The following CCDC171 variants were observed in gnomAD, a reference collection of about 807,000 sequenced individuals.
CCDC171 encodes the protein coiled-coil domain-containing protein 171.
CCDC171 carries 177 observed loss-of-function variants against 168.2 expected under a neutral mutation model. The observed-to-expected ratio is 1.05, with a 90% confidence interval of 0.93 to 1.19. The LOEUF is 1.19. Among genes scored for constraint, CCDC171 ranks in the 50% most tolerant of loss-of-function variants. CCDC171 has a pLI of 0.00. For missense variants in CCDC171, 1,991 were observed against 1,539.0 expected (o/e 1.29, Z -4.91); for synonymous variants, 687 against 540.8 (o/e 1.27, Z -3.75).
chr9:15,803,497 A>T (rs1588597977), intron 21 of CCDC171, among the ~76,000 whole-genome samples: 1 of 152,088 alleles, frequency 6.6e-6, no homozygotes, highest in Non-Finnish European at 1.5e-5. Context: ...CAGTTCTCCC[A>T]GCACCATTTA....
At chr9:15,632,681 C>A (rs1228800329) in intron 7 of CCDC171, among the ~76,000 whole-genome samples, 2 of 152,096 alleles carry the variant, frequency 1.3e-5, no homozygotes, top group African/African-American at 2.4e-5. Flanking sequence ...CTTTAAAGTT[C>A]ATATGGAACC....
intron 25 of CCDC171, among the ~76,000 whole-genome samples, chr9:15,947,377 C>A (rs1339698285): frequency 6.6e-6 from 1 of 151,950 alleles, no homozygotes; most frequent in Non-Finnish European, 1.5e-5. Context: ...TCCCTAGATC[C>A]TGGCAATCAC....
chr9:15,625,553 G>A (rs1325795437), intron 7 of CCDC171, among the ~76,000 whole-genome samples: 3 of 152,144 alleles, frequency 2.0e-5, no homozygotes, highest in Non-Finnish European at 4.4e-5. Flanking sequence ...AGTTTTCCCA[G>A]CACCATTTAT....
rs772258191 is a variant in CCDC171, at chr9:15,721,761, T to G, written c.1319-8T>G. 6.6e-7 allele frequency: 1 copy of G among 1,509,784 alleles called. No individual in the cohort carries two copies. The highest frequency in any genetic ancestry group is 2.0e-5 in the Admixed American group (1 of 49,048). 93.5% of individuals were successfully genotyped at this position (1,509,784 alleles called of 1,614,324 possible). On this transcript the variant is annotated splice_polypyrimidine_tract_variant and splice_region_variant and intron_variant, in intron 11 of 25. Coordinates refer to ENST00000380701, the MANE Select transcript of CCDC171 (RefSeq NM_173550.4). ...AAGGGTATATTTTCATCCTATATTT[T>G]TCTCTAGGCATCCACAAGGACAAAG... is the stretch of plus-strand genomic sequence containing the variant.
intron 3 of CCDC171, among the ~76,000 whole-genome samples, chr9:16,010,323 A>C (rs532322517): frequency 2.6e-5 from 4 of 152,138 alleles, no homozygotes; most frequent in African/African-American, 9.7e-5. Flanking sequence ...AACTTCTTGG[A>C]CTGAATATTT....
At chr9:15,725,803 T>G (rs1307891536) in intron 14 of CCDC171, among the ~76,000 whole-genome samples, 10 of 152,192 alleles carry the variant, frequency 6.6e-5, no homozygotes, top group African/African-American at 2.4e-4. Flanking sequence ...GATAGCCTCC[T>G]AACTCTGTAT....
intron 24 of CCDC171, among the ~76,000 whole-genome samples, chr9:15,896,234 G>A (rs1342263486): frequency 6.6e-6 from 1 of 151,770 alleles, no homozygotes; most frequent in Non-Finnish European, 1.5e-5. Context: ...CTTATTTTTG[G>A]CACATTTAAG....
chr9:15,960,753 T>C (rs1391652765), intron 25 of CCDC171, among the ~76,000 whole-genome samples: 1 of 152,176 alleles, frequency 6.6e-6, no homozygotes, highest in Non-Finnish European at 1.5e-5. Context: ...GATCACATGA[T>C]TTGTCTTACA....
intron 6 of CCDC171, among the ~76,000 whole-genome samples, chr9:15,608,171 C>T (rs374499941): frequency 6.6e-6 from 1 of 152,176 alleles, no homozygotes; most frequent in African/African-American, 2.4e-5. Flanking sequence ...TTAACCCATT[C>T]ACAAGGGCAG....
chr9:15,946,621 A>G (rs1183319611), intron 25 of CCDC171, among the ~76,000 whole-genome samples: 1 of 152,054 alleles, frequency 6.6e-6, no homozygotes, highest in African/African-American at 2.4e-5. Context: ...ATTCAATGCC[A>G]TCCCCATCAA....
exon 2 of CCDC171, chr9:16,061,226 C>G (rs987963434): frequency 1.3e-5 from 2 of 152,168 alleles, no homozygotes; most frequent in Non-Finnish European, 2.9e-5. Flanking sequence ...AAAGCGAAAA[C>G]GTTAGCCACT....
At chr9:15,886,678 A>T (rs1819441644) in intron 24 of CCDC171, 1 of 152,050 alleles carries the variant, frequency 6.6e-6, no homozygotes, top group Non-Finnish European at 1.5e-5. Context: ...TGTTCATTGT[A>T]GCATTATTCA....
chr9:15,558,920 C>G (rs1329630095), intron 1 of CCDC171, among the ~76,000 whole-genome samples: 2 of 152,052 alleles, frequency 1.3e-5, no homozygotes, highest in African/African-American at 4.8e-5. Flanking sequence ...CCCAGAGATT[C>G]TGGTATGTTG....
intron 12 of CCDC171, among the ~76,000 whole-genome samples, chr9:15,723,269 C>T (rs1416653119): frequency 6.6e-6 from 1 of 152,176 alleles, no homozygotes; most frequent in Non-Finnish European, 1.5e-5. Context: ...TGAATATCCT[C>T]ATGATGTATA....
chr9:16,077,080 G>C, the CCDC171 span, among the ~76,000 whole-genome samples: 1 of 152,172 alleles, frequency 6.6e-6, no homozygotes, highest in Non-Finnish European at 1.5e-5. Context: ...AATAGTGCTG[G>C]GTTACATTAG....
intron 6 of CCDC171, among the ~76,000 whole-genome samples, chr9:15,602,218 A>G (rs528674876): frequency 1.8e-4 from 27 of 150,250 alleles, no homozygotes; most frequent in Non-Finnish European, 3.3e-4. Flanking sequence ...AACTGTTGTG[A>G]CTTTATGTTA....
intron 1 of CCDC171, among the ~76,000 whole-genome samples, chr9:15,563,376 G>T (rs2039471407): frequency 6.6e-6 from 1 of 152,086 alleles, no homozygotes; most frequent in Admixed American, 6.6e-5. Context: ...GACCTCAGGT[G>T]ATCTGCCTGC....
At chr9:15,554,639 T>C (rs1370531939) in intron 1 of CCDC171, among the ~76,000 whole-genome samples, 3 of 152,172 alleles carry the variant, frequency 2.0e-5, no homozygotes, top group Non-Finnish European at 4.4e-5. Flanking sequence ...TCCCTTGGTC[T>C]TGGTCTTGTT....
At position 16,004,350 on chromosome 9, in the gene CCDC171, A is replaced by AT. The variant is rs1282517837; in HGVS notation, n.369-16232dup. 5.9e-5 allele frequency among the ~76,000 whole-genome samples: 9 copies of AT among 152,250 alleles called. No homozygotes were observed. In the South Asian group the frequency reaches 6.2e-4, roughly 11 times the overall value. ...AAAATAACTGAAAGAAAGAAAGATG[A>AT]TTTTTTTGACTTACATGCTCTTGAG... On this transcript the variant is annotated intron_variant and non_coding_transcript_variant, in intron 3 of 9. Coordinates refer to the CCDC171 transcript ENST00000486641.
Sources: allele counts gnomAD v4.1 joint callset (sites outside exome capture counted in the v4.1 genomes callset), GRCh38; gene constraint gnomAD v4.1.1; transcripts MANE v1.5; gene names NCBI Gene and HGNC (gene_info 2026-07-23, HGNC 2026-07-21).